Variants in PLPPR5 observed in about 807,000 individuals in gnomAD.
PLPPR5 encodes the protein phospholipid phosphatase-related protein type 5.
Under a neutral mutation model 33.9 loss-of-function variants are expected in PLPPR5, and 16 were observed. That is an observed-to-expected ratio of 0.47 (90% CI 0.32 to 0.72). PLPPR5 has a LOEUF of 0.72. PLPPR5 is among the 30% of genes least tolerant of loss of function. The pLI, the probability that PLPPR5 is intolerant of heterozygous loss-of-function variation, is 0.03. For synonymous variants in PLPPR5, 163 were observed against 150.3 expected, an observed-to-expected ratio of 1.08 and a Z score of -0.62; for missense variants, 301 against 406.7, an observed-to-expected ratio of 0.74 and a Z score of 2.23.
intron 1 of PLPPR5, among the ~76,000 whole-genome samples, chr1:98,968,196 A>G (rs1302103907): frequency 2.0e-5 from 2 of 101,804 alleles, no homozygotes; most frequent in Non-Finnish European, 4.5e-5. Context: ...AAATGAATAC[A>G]CTCATGTTAT....
intron 1 of PLPPR5, among the ~76,000 whole-genome samples, chr1:98,980,808 GAAAT>G (rs1212007084): frequency 6.6e-6 from 1 of 151,926 alleles, no homozygotes; most frequent in Non-Finnish European, 1.5e-5. Context: ...CATAGAAAGA[GAAAT>G]AAAAATAAAC....
At chr1:98,902,852 C>G (rs1468494521) in intron 5 of PLPPR5, among the ~76,000 whole-genome samples, 2 of 152,090 alleles carry the variant, frequency 1.3e-5, no homozygotes, top group Non-Finnish European at 1.5e-5. Flanking sequence ...TCACATAAAT[C>G]AGATGAGAAA....
chr1:98,948,399 A>G (rs1337744799), intron 3 of PLPPR5, among the ~76,000 whole-genome samples: 2 of 152,292 alleles, frequency 1.3e-5, no homozygotes, highest in East Asian at 3.9e-4. Context: ...ATGATATTTT[A>G]GAGTTTCCAC....
intron 1 of PLPPR5, among the ~76,000 whole-genome samples, chr1:98,982,025 A>G (rs1347352223): frequency 6.6e-6 from 1 of 152,060 alleles, no homozygotes; most frequent in Non-Finnish European, 1.5e-5. Flanking sequence ...TTTTCTCAAA[A>G]ATAGTTCCAT....
chr1:98,924,500 T>C (rs544500306), intron 3 of PLPPR5, among the ~76,000 whole-genome samples: 15 of 152,256 alleles, frequency 9.9e-5, no homozygotes, highest in Admixed American at 2.0e-4. Flanking sequence ...CACAGAATCA[T>C]AGGAGTAAGG....
At chr1:98,913,862 A>G (rs1431253310) in intron 5 of PLPPR5, among the ~76,000 whole-genome samples, 1 of 152,198 alleles carries the variant, frequency 6.6e-6, no homozygotes, top group Non-Finnish European at 1.5e-5. Context: ...TGTGGTTCAC[A>G]AAAGTCTCAA....
At chr1:98,961,476 A>G (rs1263558088) in intron 1 of PLPPR5, among the ~76,000 whole-genome samples, 1 of 152,242 alleles carries the variant, frequency 6.6e-6, no homozygotes, top group African/African-American at 2.4e-5. Context: ...AACCACTGTC[A>G]TAACTGTTGA....
At chr1:98,983,700 A>G (rs1368676141) in intron 1 of PLPPR5, among the ~76,000 whole-genome samples, 1 of 151,380 alleles carries the variant, frequency 6.6e-6, no homozygotes, top group African/African-American at 2.4e-5. Flanking sequence ...TTACAGTCCC[A>G]CCAACAGTGT....
intron 5 of PLPPR5, among the ~76,000 whole-genome samples, chr1:98,899,340 A>G (rs1392234040): frequency 6.6e-6 from 1 of 152,194 alleles, no homozygotes; most frequent in African/African-American, 2.4e-5. Flanking sequence ...TGAAACCCAG[A>G]TATCTTCTCT....
intron 5 of PLPPR5, among the ~76,000 whole-genome samples, chr1:98,899,407 C>T (rs1043816201): frequency 1.3e-5 from 2 of 152,124 alleles, no homozygotes; most frequent in East Asian, 1.9e-4. Flanking sequence ...GTACCACTGC[C>T]TAAAGGTGAA....
intron 1 of PLPPR5, among the ~76,000 whole-genome samples, chr1:98,969,165 A>G (rs1264478768): frequency 6.6e-6 from 1 of 151,718 alleles, no homozygotes; most frequent in African/African-American, 2.4e-5. Flanking sequence ...AGCATCTCAG[A>G]AACACTACAG....
At chr1:98,952,972 T>C in intron 3 of PLPPR5, 98 bp downstream of exon 3, 4 of 1,410,996 alleles carry the variant, frequency 2.8e-6, no homozygotes, top group Non-Finnish European at 3.9e-6. Context: ...ATGAATGTGC[T>C]TTAAGTGACT....
At chr1:98,893,296 T>C (rs1191186282) in intron 5 of PLPPR5, among the ~76,000 whole-genome samples, 192 bp from the exon 6 acceptor site, 3 of 152,106 alleles carry the variant, frequency 2.0e-5, no homozygotes, top group Non-Finnish European at 2.9e-5. Flanking sequence ...TATTCAATAA[T>C]CTTAATTATA....
chr1:99,004,735 C>T lies in PLPPR5; in HGVS notation c.-64G>A. On this transcript the variant is annotated 5_prime_UTR_variant, in exon 1 of 6. Transcript: ENST00000263177. ...CGGTCGACGCGGTGGGCCCCCTCCC[C>T]GGTCCGCCGAGGCAGCCACCGGGGG... 8.7e-7 allele frequency: 1 copy of T among 1,142,994 alleles called. No individual in the cohort carries two copies. The highest frequency in any genetic ancestry group is 1.1e-6 in the Non-Finnish European group (1 of 895,078). 70.8% of individuals were successfully genotyped at this position (1,142,994 alleles called of 1,614,324 possible). A position where few individuals can be genotyped will look rare whatever the true frequency, so the allele number is the denominator to read the frequency against.
At position 98,996,529 on chromosome 1, in the gene PLPPR5, G is replaced by A. The variant is rs533374917; in HGVS notation, c.237+7906C>T. Among the ~76,000 whole-genome samples, 13 of 152,106 alleles carry A rather than the reference G, an allele frequency of 8.5e-5. 2 individuals carry two copies. In the South Asian group the frequency reaches 2.7e-3, roughly 32 times the overall value. On this transcript the variant is annotated intron_variant, in intron 1 of 5. Coordinates refer to ENST00000263177, the MANE Select transcript of PLPPR5 (RefSeq NM_001037317.2). ...GGCATTCTCACAAAAAGTTTAAATA[G>A]TACTGAATATAGAACTCCACTTCAC... is the stretch of plus-strand genomic sequence containing the variant.
intron 1 of PLPPR5, among the ~76,000 whole-genome samples, chr1:98,963,124 A>T (rs1651306358): frequency 6.6e-6 from 1 of 152,170 alleles, no homozygotes; most frequent in South Asian, 2.1e-4. Flanking sequence ...ATTCTCCAAC[A>T]TATCCAGTAT....
intron 2 of PLPPR5, 125 bp downstream of exon 2, chr1:98,956,484 T>C (rs1023618492): frequency 1.1e-5 from 10 of 944,520 alleles, no homozygotes; most frequent in African/African-American, 5.2e-5. Flanking sequence ...TAAAAGCAAA[T>C]TGAAACATTT....
rs900592660 is a variant in PLPPR5, at chr1:98,890,352, G to A, written c.*2720C>T. The A allele has an allele frequency of 2.6e-5, 4 of 152,474 alleles. No individual in the cohort carries two copies. The highest frequency in any genetic ancestry group is 9.7e-5 in the African/African-American group (4 of 41,410). 9.4% of individuals were successfully genotyped at this position (152,474 alleles called of 1,614,324 possible). On this transcript the variant is annotated 3_prime_UTR_variant, in exon 6 of 6. Coordinates refer to ENST00000263177, the MANE Select transcript of PLPPR5 (RefSeq NM_001037317.2). The stretch of plus-strand genomic sequence containing the variant: ...TCACAAAGGAAACTGTATGGTAAAT[G>A]TAACTGAGATATTTGGCTAGGATAG...
chr1:98,953,387 G>A (rs1400961649), intron 2 of PLPPR5, 67 bp from the exon 3 acceptor site: 3 of 1,425,704 alleles, frequency 2.1e-6, no homozygotes, highest in Non-Finnish European at 2.9e-6. Flanking sequence ...GTGTGTGTGT[G>A]TGTGTGTGAA....
Sources: allele counts gnomAD v4.1 joint callset (sites outside exome capture counted in the v4.1 genomes callset), GRCh38; gene constraint gnomAD v4.1.1; transcripts MANE v1.5; gene names NCBI Gene and HGNC (gene_info 2026-07-23, HGNC 2026-07-21).